TRAPPC10: variants seen among roughly 807,000 people sequenced by gnomAD.
TRAPPC10 encodes the protein TRAPP 130 kDa subunit.
Under a neutral mutation model 125.5 loss-of-function variants are expected in TRAPPC10, and 23 were observed. The ratio of observed to expected loss-of-function variants is 0.18; its 90% CI spans 0.13 to 0.26. TRAPPC10 has a LOEUF of 0.26. TRAPPC10 is among the 10% of genes least tolerant of loss of function. The pLI is 1.00. For synonymous variants in TRAPPC10, 509 were observed against 518.0 expected, an observed-to-expected ratio of 0.98 and a Z score of 0.24; for missense variants, 1,123 against 1,308.4, an observed-to-expected ratio of 0.86 and a Z score of 2.19.
chr21:44,061,404 G>C (rs957072098), intron 6 of TRAPPC10, among the ~76,000 whole-genome samples: 6 of 152,082 alleles, frequency 3.9e-5, no homozygotes, highest in Non-Finnish European at 8.8e-5. Flanking sequence ...AAAGTGCTGG[G>C]ATTACAGGCG....
chr21:44,090,741 A>T (rs1303024457), intron 18 of TRAPPC10, among the ~76,000 whole-genome samples: 2 of 152,138 alleles, frequency 1.3e-5, no homozygotes, highest in Admixed American at 6.5e-5. Context: ...CTTTTTATCC[A>T]TTGATGATGT....
intron 2 of TRAPPC10, among the ~76,000 whole-genome samples, chr21:44,037,338 C>T (rs1180736266): frequency 2.0e-5 from 3 of 152,174 alleles, no homozygotes; most frequent in Non-Finnish European, 2.9e-5. Context: ...GTTATATTTT[C>T]GCCAAATAAC....
rs778619133 is a variant in TRAPPC10 at position 44,075,107 on chromosome 21, G to T, written c.1254G>T (p.Arg418Ser). The T allele has an allele frequency of 5.0e-6, 8 of 1,614,180 alleles. No homozygotes were observed. Among genetic ancestry groups the T allele is most frequent in the African/African-American group, 1.3e-5 (1 of 75,036 alleles). Reference sequence around the variant, plus strand: ...GACCTAACTCAGAAGATCTCAACAGGACAGTTGACCTTTTGGCAGGTTTGG... The same window carrying T: ...GACCTAACTCAGAAGATCTCAACAGTACAGTTGACCTTTTGGCAGGTTTGG... ...EKGPNSEDLN[R>S]TVDLLAGLGA... Residue 418 changes from arginine to serine, a missense_variant, in exon 9 of 23, where the codon AGG becomes AGT. Arg to Ser is a moderately radical substitution (Grantham distance 110). Around this residue, in one of 4 missense-constraint regions of TRAPPC10, gnomAD observed 840 missense variants for 902.0 expected, o/e 0.93. Transcript: ENST00000291574.
Position 44,087,220 on chromosome 21 carries a change from G to T in TRAPPC10, c.2539+260G>T, listed in dbSNP as rs1258539718. Among the ~76,000 whole-genome samples the T allele has an allele frequency of 2.0e-5, 3 of 152,216 alleles. No homozygotes were observed. The highest frequency in any genetic ancestry group is 4.4e-5 in the Non-Finnish European group (3 of 68,032). On this transcript the variant is annotated intron_variant, in intron 16 of 22. Transcript: ENST00000291574. This position sits in a 1 kb window ranked among gnomAD's most constrained non-coding sequence, Gnocchi z 4.6. ...TTAGGAGATGGGGGTCACGGCTGGG[G>T]TCACGTTCCATGGTGATGCCTGCCA... is the stretch of plus-strand genomic sequence containing the variant.
intron 7 of TRAPPC10, among the ~76,000 whole-genome samples, chr21:44,071,838 T>C (rs371604894): frequency 1.0e-3 from 156 of 152,314 alleles, no homozygotes; most frequent in African/African-American, 3.4e-3. Context: ...CTTTGCACTT[T>C]GGGAGGTGTG....
Position 44,063,708 on chromosome 21 carries a change from C to G in TRAPPC10, c.961C>G (p.Leu321Val). Residue 321 changes from leucine (L) to valine (V), a missense_variant, in exon 7 of 23, where the codon CTG becomes GTG. Around this residue, in one of 4 missense-constraint regions of TRAPPC10, gnomAD observed 91 missense variants for 127.1 expected, o/e 0.72. Coordinates refer to ENST00000291574, the MANE Select transcript of TRAPPC10 (RefSeq NM_003274.5). The surrounding 1 kb of genome is among the most constrained non-coding windows in gnomAD (Gnocchi z 4.4). ...TCGCCAGTGCACCTTGCTGCTCTTC[C>G]TGCAGAGGCCGTGGGAGGTGGCCCA... is the stretch of plus-strand genomic sequence containing the variant. The part of the protein sequence containing the change: ...FSRQCTLLLF[L>V]QRPWEVAQRA... The G allele has an allele frequency of 1.2e-6, 2 of 1,614,194 alleles. No homozygotes were observed. Among genetic ancestry groups the G allele is most frequent in the Non-Finnish European group, 1.7e-6 (2 of 1,180,030 alleles).
At chr21:44,045,223 G>A (rs973685191) in intron 3 of TRAPPC10, among the ~76,000 whole-genome samples, 3 of 152,094 alleles carry the variant, frequency 2.0e-5, no homozygotes, top group African/African-American at 4.8e-5. Context: ...GTGAGCCACC[G>A]TGCCCAGCCT....
At chr21:44,019,331 T>G (rs896996876) in intron 1 of TRAPPC10, among the ~76,000 whole-genome samples, 4 of 152,326 alleles carry the variant, frequency 2.6e-5, no homozygotes, top group Admixed American at 2.0e-4. Flanking sequence ...ATTACAGGCA[T>G]AAGCCACTGT....
In TRAPPC10 at chr21:44,083,000, A is replaced by T. The variant is rs548337707; in HGVS notation, c.1936A>T (p.Thr646Ser). Residue 646 changes from threonine (T) to serine (S), a missense_variant, in exon 14 of 23, where the codon ACC becomes TCC. Thr to Ser is a moderately conservative substitution (Grantham distance 58, BLOSUM62 1). Coordinates refer to ENST00000291574, the MANE Select transcript of TRAPPC10 (RefSeq NM_003274.5). This position sits in a 1 kb window ranked among gnomAD's most constrained non-coding sequence, Gnocchi z 4.4. ...CTACCGGAAGACTGCGGAGTGGCTT[A>T]CCAAGCACAAGACGTCCAATGGGAT... Reference protein sequence around the residue: ...NSYRKTAEWLTKHKTSNGIIN... With the variant: ...NSYRKTAEWLSKHKTSNGIIN... 6.2e-7 allele frequency: 1 copy of T among 1,614,100 alleles called. No homozygotes were observed. Among genetic ancestry groups the T allele is most frequent in the Non-Finnish European group, 8.5e-7 (1 of 1,180,018 alleles).
At chr21:44,090,610 C>T (rs374826908) in intron 18 of TRAPPC10, among the ~76,000 whole-genome samples, 23 of 152,166 alleles carry the variant, frequency 1.5e-4, no homozygotes, top group Non-Finnish European at 5.9e-5. Flanking sequence ...TTGAGGCAGG[C>T]GGGGCTGTGT....
At chr21:44,046,368 C>T (rs1329511322) in intron 3 of TRAPPC10, 9 of 275,596 alleles carry the variant, frequency 3.3e-5, no homozygotes, top group Non-Finnish European at 6.9e-5. Flanking sequence ...GCTGTTGTCC[C>T]TTCTTCCCAG....
Position 44,025,114 on chromosome 21 carries a change from T to C in TRAPPC10, c.68-6977T>C, listed in dbSNP as rs186220051. 3.0e-4 allele frequency among the ~76,000 whole-genome samples: 45 copies of C among 152,344 alleles called. No homozygotes were observed. In the South Asian group the frequency reaches 5.4e-3, roughly 18 times the overall value. Reference sequence around the variant, plus strand: ...TTCCAGTAGTTGTGCACAGATAGCCTGTCTGTGGCCTTTCCGACGGGCCTG... The same window carrying C: ...TTCCAGTAGTTGTGCACAGATAGCCCGTCTGTGGCCTTTCCGACGGGCCTG... On this transcript the variant is annotated intron_variant, in intron 1 of 22. Coordinates refer to ENST00000291574, the MANE Select transcript of TRAPPC10 (RefSeq NM_003274.5).
Position 44,087,627 on chromosome 21 carries a change from C to A in TRAPPC10, c.2540-72C>A. Reference sequence around the variant, plus strand: ...AGCAGTGGCCTCACTGCTGGGCCATCACCTGCTGTAAGGAAAAGGACAAGT... The same window carrying A: ...AGCAGTGGCCTCACTGCTGGGCCATAACCTGCTGTAAGGAAAAGGACAAGT... On this transcript the variant is annotated intron_variant, in intron 16 of 22. Coordinates refer to ENST00000291574, the MANE Select transcript of TRAPPC10 (RefSeq NM_003274.5). The surrounding 1 kb of genome is among the most constrained non-coding windows in gnomAD (Gnocchi z 4.6). 7.1e-7 allele frequency: 1 copy of A among 1,400,444 alleles called. No homozygotes were observed. Among genetic ancestry groups the A allele is most frequent in the Non-Finnish European group, 1.0e-6 (1 of 1,001,454 alleles). The allele number at this position is 1,400,444 out of a possible 1,614,324, so 86.8% of individuals were successfully genotyped here.
chr21:44,061,122 A>T (rs2036020359), intron 6 of TRAPPC10, among the ~76,000 whole-genome samples: 2 of 151,264 alleles, frequency 1.3e-5, no homozygotes, highest in South Asian at 4.2e-4. Context: ...ATTTATTTTA[A>T]TTTTAATTTA....
chr21:44,050,953 G>A (rs2035193119), intron 3 of TRAPPC10, among the ~76,000 whole-genome samples: 1 of 152,152 alleles, frequency 6.6e-6, no homozygotes, highest in Non-Finnish European at 1.5e-5. Context: ...CGCCCAGGCT[G>A]GAGTGCAGTG....
At chr21:44,028,098 C>T (rs942029191) in intron 1 of TRAPPC10, among the ~76,000 whole-genome samples, 2 of 152,090 alleles carry the variant, frequency 1.3e-5, no homozygotes, top group Non-Finnish European at 2.9e-5. Flanking sequence ...TTTCCCCCAT[C>T]GTGTTTCTTA....
chr21:44,091,189 C>G (rs866364131), intron 18 of TRAPPC10, among the ~76,000 whole-genome samples: 4 of 152,120 alleles, frequency 2.6e-5, no homozygotes, highest in African/African-American at 7.2e-5. Context: ...AAGACTCTGT[C>G]TCAAAAAATA....
chr21:44,052,912 G>A (rs770098682), intron 4 of TRAPPC10, among the ~76,000 whole-genome samples: 10 of 152,158 alleles, frequency 6.6e-5, no homozygotes, highest in Non-Finnish European at 1.2e-4. Flanking sequence ...CTGTGAAAGG[G>A]AATCCTGAAA....
intron 2 of TRAPPC10, among the ~76,000 whole-genome samples, 161 bp downstream of exon 2, chr21:44,032,333 CTGTGGGTCTT>C (rs2033639954): frequency 6.7e-6 from 1 of 149,826 alleles, no homozygotes. Flanking sequence ...CTCACATAAT[CTGTGGGTCTT>C]TGTGGGTCTT....
Sources: allele counts gnomAD v4.1 joint callset (sites outside exome capture counted in the v4.1 genomes callset), GRCh38; gene constraint gnomAD v4.1.1; regional missense constraint gnomAD v4.1.1; non-coding constraint Gnocchi (gnomAD v3.1); transcripts MANE v1.5; gene names NCBI Gene and HGNC (gene_info 2026-07-23, HGNC 2026-07-21).